The following ME3 variants were observed in gnomAD, a reference collection of about 807,000 sequenced individuals.
ME3 encodes NADP-dependent malic enzyme, mitochondrial.
A neutral mutation model predicts 68.9 loss-of-function variants in ME3; 48 were observed. That is an observed-to-expected ratio of 0.70 (90% CI 0.55 to 0.89). The LOEUF (loss-of-function observed/expected upper bound fraction) is 0.89, where lower values mean the gene tolerates loss of function less well. ME3 is among the 40% of genes least tolerant of loss of function. The pLI, the probability that ME3 is intolerant of heterozygous loss-of-function variation, is 0.00. For missense variants in ME3, 675 were observed against 797.4 expected (o/e 0.85, Z 1.85); for synonymous variants, 320 against 318.8 (o/e 1.00, Z -0.04).
At chr11:86,441,322 C>T in exon 15 of ME3, 1 of 1,611,120 alleles carries the variant, frequency 6.2e-7, no homozygotes, top group South Asian at 1.1e-5. Context: ...CCAAGTGTAG[C>T]TGTCCAGTGT....
intron 7 of ME3, among the ~76,000 whole-genome samples, chr11:86,470,890 C>A (rs1346905850): frequency 2.6e-5 from 4 of 152,194 alleles, no homozygotes; most frequent in Admixed American, 2.0e-4. Flanking sequence ...TACTTATTTT[C>A]TGAAAATCCT....
At chr11:86,654,200 T>G (rs923437479) in intron 2 of ME3, among the ~76,000 whole-genome samples, 8 of 152,316 alleles carry the variant, frequency 5.3e-5, no homozygotes, top group African/African-American at 1.7e-4. Context: ...CTCCTGAAAC[T>G]ATTCCAATCA....
chr11:86,668,704 T>C (rs1469238210), intron 2 of ME3, among the ~76,000 whole-genome samples: 1 of 152,348 alleles, frequency 6.6e-6, no homozygotes, highest in East Asian at 1.9e-4. Context: ...CTTGCCCTGG[T>C]CGGCACCTCT....
chr11:86,594,871 A>C (rs1959193836), intron 2 of ME3, among the ~76,000 whole-genome samples: 1 of 146,236 alleles, frequency 6.8e-6, no homozygotes. Flanking sequence ...TAATGATGAC[A>C]AATCAGTGCC....
intron 2 of ME3, among the ~76,000 whole-genome samples, chr11:86,629,693 C>T (rs1565238347): frequency 1.3e-5 from 2 of 152,158 alleles, no homozygotes; most frequent in Non-Finnish European, 2.9e-5. Flanking sequence ...TTCCAGAGTT[C>T]AAGAGTAGTC....
At chr11:86,503,061 T>C (rs568343099) in intron 5 of ME3, among the ~76,000 whole-genome samples, 2 of 152,202 alleles carry the variant, frequency 1.3e-5, no homozygotes, top group East Asian at 1.9e-4. Flanking sequence ...TTCTTCTGCT[T>C]CTCCCTCTCT....
chr11:86,599,491 T>G (rs1194495377), intron 2 of ME3, among the ~76,000 whole-genome samples: 1 of 152,178 alleles, frequency 6.6e-6, no homozygotes, highest in Non-Finnish European at 1.5e-5. Flanking sequence ...TACCTGAAAG[T>G]GACGGGGAGA....
chr11:86,554,100 C>T (rs1260205829), intron 4 of ME3, among the ~76,000 whole-genome samples: 1 of 152,110 alleles, frequency 6.6e-6, no homozygotes, highest in East Asian at 1.9e-4. Flanking sequence ...TGGTGGTGTC[C>T]CTGGATTCTG....
chr11:86,630,874 G>C (rs552214188), intron 2 of ME3, among the ~76,000 whole-genome samples: 4 of 152,364 alleles, frequency 2.6e-5, no homozygotes, highest in Admixed American at 1.3e-4. Flanking sequence ...TTGAAAGGGA[G>C]CCACAGCTAA....
chr11:86,641,041 G>T (rs572659195), intron 2 of ME3, among the ~76,000 whole-genome samples: 5 of 151,374 alleles, frequency 3.3e-5, no homozygotes, highest in Admixed American at 2.0e-4. Context: ...TTCACTGGGG[G>T]GGGGGGTCAA....
At chr11:86,470,303 C>G (rs1266662200) in intron 7 of ME3, among the ~76,000 whole-genome samples, 1 of 151,776 alleles carries the variant, frequency 6.6e-6, no homozygotes, top group Non-Finnish European at 1.5e-5. Context: ...CCCCTCCCCC[C>G]AGAAAAAAAC....
At chr11:86,483,230 G>A (rs1459330883) in intron 7 of ME3, among the ~76,000 whole-genome samples, 1 of 152,292 alleles carries the variant, frequency 6.6e-6, no homozygotes, top group East Asian at 1.9e-4. Context: ...AGAAACAAGT[G>A]GGATGAGTAG....
At chr11:86,508,218 GT>G (rs984624091) in intron 5 of ME3, among the ~76,000 whole-genome samples, 1 of 151,916 alleles carries the variant, frequency 6.6e-6, no homozygotes, top group African/African-American at 2.4e-5. Flanking sequence ...GGTACAGAAT[GT>G]CCTCACTCCA....
At chr11:86,598,435 G>A (rs1005726314) in intron 2 of ME3, among the ~76,000 whole-genome samples, 20 of 152,336 alleles carry the variant, frequency 1.3e-4, no homozygotes, top group Admixed American at 5.2e-4. Context: ...TTAGGTAAAC[G>A]AAGCAGCCAG....
chr11:86,653,149 G>A (rs1363573602), intron 2 of ME3, among the ~76,000 whole-genome samples: 1 of 152,134 alleles, frequency 6.6e-6, no homozygotes, highest in East Asian at 1.9e-4. Context: ...AATAATGGGA[G>A]ACTTTAACAC....
chr11:86,663,112 C>T (rs1039718927), intron 2 of ME3, among the ~76,000 whole-genome samples: 5 of 152,208 alleles, frequency 3.3e-5, no homozygotes, highest in Non-Finnish European at 2.9e-5. Flanking sequence ...TCATGTAGCT[C>T]ACTACCAAAA....
Position 86,508,788 on chromosome 11 carries a change from A to T in ME3, c.543+4T>A. ...ATTAAATAGCAATGAAAACGGGATC[A>T]TACCTTAATATTGTCTTCTGGCCAA... On this transcript the variant is annotated splice_donor_region_variant and intron_variant, in intron 5 of 14. Transcript: ENST00000543262. 4 of 1,607,456 alleles carry T rather than the reference A, an allele frequency of 2.5e-6. No individual in the cohort carries two copies. Among genetic ancestry groups the T allele is most frequent in the Non-Finnish European group, 3.4e-6 (4 of 1,173,948 alleles).
At chr11:86,519,711 C>T (rs572627050) in intron 4 of ME3, among the ~76,000 whole-genome samples, 1 of 152,288 alleles carries the variant, frequency 6.6e-6, no homozygotes, top group South Asian at 2.1e-4. Flanking sequence ...ATTTTTAGAG[C>T]TCAGTAGCAG....
intron 2 of ME3, among the ~76,000 whole-genome samples, chr11:86,602,169 T>G: frequency 6.6e-6 from 1 of 151,612 alleles, no homozygotes; most frequent in East Asian, 2.0e-4. Flanking sequence ...AAATTGTCCC[T>G]GTTTGCAGAT....
Sources: allele counts gnomAD v4.1 joint callset (sites outside exome capture counted in the v4.1 genomes callset), GRCh38; gene constraint gnomAD v4.1.1; transcripts MANE v1.5; gene names NCBI Gene and HGNC (gene_info 2026-07-23, HGNC 2026-07-21).